The following CYP39A1 variants were observed in gnomAD, a reference collection of about 807,000 sequenced individuals.
CYP39A1 encodes 24-hydroxycholesterol 7-alpha-hydroxylase.
A neutral mutation model predicts 58.1 loss-of-function variants in CYP39A1; 49 were observed. The observed-to-expected ratio is 0.84, with a 90% CI of 0.67 to 1.07. The LOEUF (loss-of-function observed/expected upper bound fraction) is 1.07. Ranked by LOEUF, CYP39A1 falls within the 50% of genes least tolerant of loss-of-function variation. CYP39A1 has a pLI of 0.00. For missense variants in CYP39A1, 531 were observed against 539.4 expected, an observed-to-expected ratio of 0.98 and a Z score of 0.16; for synonymous variants, 209 against 187.6, an observed-to-expected ratio of 1.11 and a Z score of -0.93.
At chr6:46,644,745 AT>A (rs1762202209) in intron 1 of CYP39A1, among the ~76,000 whole-genome samples, 1 of 152,164 alleles carries the variant, frequency 6.6e-6, no homozygotes, top group South Asian at 2.1e-4. Context: ...TGGCTGTACC[AT>A]TTTATATTTC....
intron 1 of CYP39A1, 118 bp downstream of exon 1, chr6:46,652,288 G>A: frequency 1.0e-6 from 1 of 991,688 alleles, no homozygotes; most frequent in East Asian, 2.7e-5. Context: ...AGATCCTTTA[G>A]TTGAGGCAAG....
At chr6:46,603,316 C>T (rs1773630178) in intron 7 of CYP39A1, among the ~76,000 whole-genome samples, 1 of 152,160 alleles carries the variant, frequency 6.6e-6, no homozygotes. Context: ...GATAGAAGGC[C>T]AGAGGTCTCC....
intron 10 of CYP39A1, chr6:46,582,923 A>T: frequency 3.6e-6 from 1 of 276,530 alleles, no homozygotes. Flanking sequence ...TAATTGTATT[A>T]ATACTAGATG....
At chr6:46,573,566 G>C (rs943154913) in intron 10 of CYP39A1, among the ~76,000 whole-genome samples, 6 of 152,138 alleles carry the variant, frequency 3.9e-5, no homozygotes, top group Admixed American at 2.6e-4. Context: ...GGATCCTCTT[G>C]GTGCTGAGTC....
intron 10 of CYP39A1, among the ~76,000 whole-genome samples, chr6:46,571,810 C>G (rs1055936643): frequency 2.0e-5 from 3 of 151,870 alleles, no homozygotes; most frequent in Non-Finnish European, 4.4e-5. Context: ...TCTTTTGTTC[C>G]TCTCTTGCTA....
rs746307899 is a variant in CYP39A1 at position 46,596,132 on chromosome 6, T to A, written c.932-12A>T. On this transcript the variant is annotated splice_polypyrimidine_tract_variant and intron_variant, in intron 7 of 11. Coordinates refer to ENST00000275016, the MANE Select transcript of CYP39A1 (RefSeq NM_016593.5). ...AATCTTATCTTTGCCTGTAAAAAAA[T>A]TTTTAATGAGAAATAAATAGACTAC... 23 of 1,589,824 alleles carry A rather than the reference T, an allele frequency of 1.4e-5. No homozygotes were observed. Among genetic ancestry groups the A allele is most frequent in the Admixed American group, 1.8e-5 (1 of 56,440 alleles).
chr6:46,638,289 A>T (rs780970441), intron 3 of CYP39A1, among the ~76,000 whole-genome samples: 2 of 152,252 alleles, frequency 1.3e-5, no homozygotes, highest in Non-Finnish European at 2.9e-5. Flanking sequence ...TAATTTATTT[A>T]GCAAATAATA....
chr6:46,580,058 G>T (rs1321867977), intron 10 of CYP39A1, among the ~76,000 whole-genome samples: 2 of 151,976 alleles, frequency 1.3e-5, no homozygotes, highest in Admixed American at 1.3e-4. Flanking sequence ...ATAATCCTAA[G>T]CAAAAGGACA....
chr6:46,570,223 C>T (rs1461463989), intron 10 of CYP39A1, among the ~76,000 whole-genome samples: 1 of 152,112 alleles, frequency 6.6e-6, no homozygotes, highest in African/African-American at 2.4e-5. Context: ...TCTTCTGTCT[C>T]TTTTCATCAG....
intron 5 of CYP39A1, among the ~76,000 whole-genome samples, chr6:46,632,950 T>C (rs1000036463): frequency 2.0e-5 from 3 of 151,898 alleles, no homozygotes; most frequent in African/African-American, 7.3e-5. Context: ...ATCACTAGCC[T>C]ATAAAATACA....
At chr6:46,586,337 T>C (rs1772471947) in intron 10 of CYP39A1, 1 of 984,408 alleles carries the variant, frequency 1.0e-6, no homozygotes, top group South Asian at 4.7e-5. Context: ...AAACAGGTAC[T>C]GACATTTCCC....
intron 10 of CYP39A1, among the ~76,000 whole-genome samples, chr6:46,566,749 T>C (rs1771302409): frequency 6.6e-6 from 1 of 152,078 alleles, no homozygotes; most frequent in South Asian, 2.1e-4. Context: ...TGGCTTATTT[T>C]ATTTATAGCT....
intron 4 of CYP39A1, among the ~76,000 whole-genome samples, chr6:46,636,955 G>C (rs1776027939): frequency 6.6e-6 from 1 of 152,168 alleles, no homozygotes; most frequent in African/African-American, 2.4e-5. Flanking sequence ...TTTATATGTT[G>C]AAATCCTAAC....
rs376239593 is a variant in CYP39A1, at chr6:46,609,349, GCTGAGTCCGCGCCA to G, written c.932-13243_932-13230del. The stretch of plus-strand genomic sequence containing the variant: ...ACCCGGGAGGCGGAGCTTGCAGTGA[GCTGAGTCCGCGCCA>G]CTGAGTCCGCGCCACTGCACTCCAG... On this transcript the variant is annotated intron_variant, in intron 7 of 11. Transcript: ENST00000275016. Among the ~76,000 whole-genome samples the G allele has an allele frequency of 3.0e-3, 449 of 151,322 alleles. 1 individual carries two copies. Among genetic ancestry groups the G allele is most frequent in the African/African-American group, 0.01 (428 of 41,200 alleles).
intron 10 of CYP39A1, among the ~76,000 whole-genome samples, chr6:46,567,373 A>G (rs1054146873): frequency 2.0e-5 from 3 of 152,194 alleles, no homozygotes; most frequent in Non-Finnish European, 4.4e-5. Context: ...CCATTTATCA[A>G]TCAACACTTT....
Position 46,587,074 on chromosome 6 carries a change from G to A in CYP39A1, c.1250+3C>T, listed in dbSNP as rs1772511565. On this transcript the variant is annotated splice_donor_region_variant and intron_variant, in intron 10 of 11. Transcript: ENST00000275016. ...ATAAATGTGGCCCAGCTGTCTCACT[G>A]ACCTTGCAGGACACTGGAACTTCCC... 1 of 1,607,664 alleles carries A rather than the reference G, an allele frequency of 6.2e-7. No individual in the cohort carries two copies. Among genetic ancestry groups the A allele is most frequent in the Non-Finnish European group, 8.5e-7 (1 of 1,175,794 alleles).
At chr6:46,577,154 C>G (rs1437332306) in intron 10 of CYP39A1, among the ~76,000 whole-genome samples, 1 of 152,152 alleles carries the variant, frequency 6.6e-6, no homozygotes, top group East Asian at 1.9e-4. Flanking sequence ...GAAATTCTAA[C>G]CAAGGACTTC....
chr6:46,632,604 TC>T (rs140579795), intron 5 of CYP39A1, among the ~76,000 whole-genome samples: 2,200 of 152,042 alleles, frequency 0.014, 66 homozygotes, highest in East Asian at 0.11. Context: ...TCTGTTCCTC[TC>T]CCCCCTCCCA....
At chr6:46,573,314 T>C (rs1048817432) in intron 10 of CYP39A1, among the ~76,000 whole-genome samples, 2 of 152,090 alleles carry the variant, frequency 1.3e-5, no homozygotes, top group Non-Finnish European at 2.9e-5. Context: ...AATACTTTCA[T>C]TTGTGGGTGA....
Sources: allele counts gnomAD v4.1 joint callset (sites outside exome capture counted in the v4.1 genomes callset), GRCh38; gene constraint gnomAD v4.1.1; transcripts MANE v1.5; gene names NCBI Gene and HGNC (gene_info 2026-07-23, HGNC 2026-07-21).